GAN: variants seen among roughly 807,000 people sequenced by gnomAD.
The protein encoded by GAN is epididymis secretory sperm binding protein.
In GAN, 48 loss-of-function variants were observed where a neutral mutation model predicts 71.3. The observed-to-expected ratio is 0.67, with a 90% CI of 0.53 to 0.86. The LOEUF (loss-of-function observed/expected upper bound fraction) is 0.86. Among genes scored for constraint, GAN ranks in the 40% least tolerant of loss-of-function variants. GAN has a pLI of 0.00. For missense variants in GAN, 928 were observed against 770.1 expected, an observed-to-expected ratio of 1.21 and a Z score of -2.43; for synonymous variants, 386 against 276.8, an observed-to-expected ratio of 1.39 and a Z score of -3.92.
chr16:81,361,097 T>G (rs976030751), intron 5 of GAN, among the ~76,000 whole-genome samples: 5 of 152,186 alleles, frequency 3.3e-5, no homozygotes, highest in African/African-American at 1.2e-4. Flanking sequence ...TGGTGGCATG[T>G]GCCTGTAATC....
chr16:81,315,413 G>A, intron 1 of GAN, 133 bp downstream of exon 1: 4 of 557,146 alleles, frequency 7.2e-6, no homozygotes, highest in South Asian at 8.8e-5. Context: ...CCGTTGGCGC[G>A]GCGTCCCTCC....
At position 81,389,947 on chromosome 16, in the gene GAN, A is replaced by G. The variant is rs1267922155; in HGVS notation, c.*12351A>G. ...CGAATACCATATAAATACCACACCAATCTGTTGAACATATCTGTGTTTTCT... is the reference window on the plus strand; with the variant it reads ...CGAATACCATATAAATACCACACCAGTCTGTTGAACATATCTGTGTTTTCT... On this transcript the variant is annotated 3_prime_UTR_variant, in exon 11 of 11. Coordinates refer to ENST00000648994, the MANE Select transcript of GAN (RefSeq NM_022041.4). 6 of 152,044 alleles carry G rather than the reference A, an allele frequency of 3.9e-5. No individual in the cohort carries two copies. Among genetic ancestry groups the G allele is most frequent in the Admixed American group, 3.3e-4 (5 of 15,248 alleles). The allele number at this position is 152,044 out of a possible 1,614,324, so 9.4% of individuals were successfully genotyped here.
chr16:81,348,377 A>C (rs1297933396), intron 1 of GAN, among the ~76,000 whole-genome samples: 2 of 152,192 alleles, frequency 1.3e-5, no homozygotes, highest in Non-Finnish European at 2.9e-5. Context: ...TCATTTTAGC[A>C]CAATCTTTAC....
rs927655422 is a variant in GAN, at chr16:81,330,912, T to C, written c.167+15632T>C. On this transcript the variant is annotated intron_variant, in intron 1 of 10. Coordinates refer to ENST00000648994, the MANE Select transcript of GAN (RefSeq NM_022041.4). Reference sequence around the variant, plus strand: ...AAAATGCATAACCTCAGTGGAATTATAAGAAATTAAACAGGCAGGCATGGT... The same window carrying C: ...AAAATGCATAACCTCAGTGGAATTACAAGAAATTAAACAGGCAGGCATGGT... Among the ~76,000 whole-genome samples, 5 of 152,268 alleles carry C rather than the reference T, an allele frequency of 3.3e-5. No individual in the cohort carries two copies. The East Asian group carries it at 7.7e-4, about 24-fold the overall frequency.
At chr16:81,377,045 C>T (rs1597413919) in intron 9 of GAN, among the ~76,000 whole-genome samples, 174 bp from the exon 10 acceptor site, 1 of 152,174 alleles carries the variant, frequency 6.6e-6, no homozygotes, top group African/African-American at 2.4e-5. Flanking sequence ...GACAAAACTC[C>T]TATCTGTAGC....
chr16:81,378,567 G>C lies in GAN; in HGVS notation c.*971G>C, dbSNP rs1243478637. On this transcript the variant is annotated 3_prime_UTR_variant, in exon 11 of 11. Coordinates refer to ENST00000648994, the MANE Select transcript of GAN (RefSeq NM_022041.4). ...AGAAACTTTTTCATATAACCTGTCTGAAAGCACACAAAGTCTTGTTTACTA... is the reference window on the plus strand; with the variant it reads ...AGAAACTTTTTCATATAACCTGTCTCAAAGCACACAAAGTCTTGTTTACTA... 2 of 152,524 alleles carry C rather than the reference G, an allele frequency of 1.3e-5. No individual in the cohort carries two copies. The highest frequency in any genetic ancestry group is 2.9e-5 in the Non-Finnish European group (2 of 68,036). The allele number at this position is 152,524 out of a possible 1,614,324, so 9.4% of individuals were successfully genotyped here. A position where few individuals can be genotyped will look rare whatever the true frequency, so the allele number is the denominator to read the frequency against.
chr16:81,370,254 C>G (rs1173951166), intron 9 of GAN, among the ~76,000 whole-genome samples: 1 of 152,136 alleles, frequency 6.6e-6, no homozygotes, highest in African/African-American at 2.4e-5. Flanking sequence ...CTGTTTGTAT[C>G]TTATGGTTAG....
chr16:81,377,687 T>A lies in GAN; in HGVS notation c.*91T>A. The A allele has an allele frequency of 8.8e-7, 1 of 1,130,554 alleles. No individual in the cohort carries two copies. The highest frequency in any genetic ancestry group is 1.3e-6 in the Non-Finnish European group (1 of 740,760). The allele number at this position is 1,130,554 out of a possible 1,614,324, so 70.0% of individuals were successfully genotyped here. A position where few individuals can be genotyped will look rare whatever the true frequency, so the allele number is the denominator to read the frequency against. On this transcript the variant is annotated 3_prime_UTR_variant, in exon 11 of 11. Coordinates refer to ENST00000648994, the MANE Select transcript of GAN (RefSeq NM_022041.4). ...AGCAGAGATGGCAGCTGAAACTCAC[T>A]CTGTGCTGGGCTTTGGTATGGTAAC...
At position 81,390,167 on chromosome 16, in the gene GAN, A is replaced by T. The variant is rs917226243; in HGVS notation, c.*12571A>T. On this transcript the variant is annotated 3_prime_UTR_variant, in exon 11 of 11. Coordinates refer to ENST00000648994, the MANE Select transcript of GAN (RefSeq NM_022041.4). Reference sequence around the variant, plus strand: ...ATCATAGCTAAATAGGCAGGTTTAGAAAGTTCAAAATATTGGAAGTGCTAG... The same window carrying T: ...ATCATAGCTAAATAGGCAGGTTTAGTAAGTTCAAAATATTGGAAGTGCTAG... The T allele has an allele frequency of 1.3e-5, 2 of 152,242 alleles. No individual in the cohort carries two copies. Among genetic ancestry groups the T allele is most frequent in the Non-Finnish European group, 2.9e-5 (2 of 68,042 alleles). The allele number at this position is 152,242 out of a possible 1,614,324, so 9.4% of individuals were successfully genotyped here.
chr16:81,335,704 G>C (rs117958283), intron 1 of GAN, among the ~76,000 whole-genome samples: 3 of 133,290 alleles, frequency 2.3e-5, no homozygotes, highest in African/African-American at 8.7e-5. Context: ...CCAAGATCAC[G>C]ACACTGCGCT....
In GAN at chr16:81,385,712, C is replaced by T. The variant is rs1176778695; in HGVS notation, c.*8116C>T. 6.6e-6 allele frequency: 1 copy of T among 151,240 alleles called. No individual in the cohort carries two copies. Among genetic ancestry groups the T allele is most frequent in the Non-Finnish European group, 1.5e-5 (1 of 68,030 alleles). The allele number at this position is 151,240 out of a possible 1,614,324, so 9.4% of individuals were successfully genotyped here. On this transcript the variant is annotated 3_prime_UTR_variant, in exon 11 of 11. Transcript: ENST00000648994. Reference sequence around the variant, plus strand: ...GGCCTTATAGCTTTCCACATTCTCACGTCTGCTGCCACATGATATACAAGT... The same window carrying T: ...GGCCTTATAGCTTTCCACATTCTCATGTCTGCTGCCACATGATATACAAGT...
chr16:81,317,088 A>C (rs1376718813), intron 1 of GAN, among the ~76,000 whole-genome samples: 3 of 151,898 alleles, frequency 2.0e-5, no homozygotes, highest in Non-Finnish European at 4.4e-5. Flanking sequence ...CGAACTCCTC[A>C]CCTCGTGATC....
chr16:81,383,405 A>G lies in GAN; in HGVS notation c.*5809A>G, dbSNP rs1244283675. ...GTACCTGGGATTACAGGTGCTTATTACCACACTCGGCGAATTTTTTGTGTT... is the reference window on the plus strand; with the variant it reads ...GTACCTGGGATTACAGGTGCTTATTGCCACACTCGGCGAATTTTTTGTGTT... On this transcript the variant is annotated 3_prime_UTR_variant, in exon 11 of 11. Coordinates refer to ENST00000648994, the MANE Select transcript of GAN (RefSeq NM_022041.4). 6.6e-6 allele frequency: 1 copy of G among 150,950 alleles called. No homozygotes were observed. The highest frequency in any genetic ancestry group is 2.4e-5 in the African/African-American group (1 of 41,140). The allele number at this position is 150,950 out of a possible 1,614,324, so 9.4% of individuals were successfully genotyped here. A position where few individuals can be genotyped will look rare whatever the true frequency, so the allele number is the denominator to read the frequency against.
intron 1 of GAN, among the ~76,000 whole-genome samples, chr16:81,338,482 A>G (rs956958714): frequency 6.6e-6 from 1 of 152,188 alleles, no homozygotes; most frequent in Non-Finnish European, 1.5e-5. Flanking sequence ...CTTCTCAGTT[A>G]TATGTGGCAG....
chr16:81,361,415 A>G (rs1469318304), intron 5 of GAN, among the ~76,000 whole-genome samples: 1 of 152,186 alleles, frequency 6.6e-6, no homozygotes, highest in Non-Finnish European at 1.5e-5. Flanking sequence ...ATGATTTCCC[A>G]GATAGCAAGG....
rs753351243 is a variant in GAN, at chr16:81,315,272, G to T, written c.159G>T (p.Pro53=). 50 of 1,557,314 alleles carry T rather than the reference G, an allele frequency of 3.2e-5. No homozygotes were observed. In the Admixed American group the frequency reaches 4.9e-4, roughly 15 times the overall value. ...AGAACATCCTGGCGGCGGCCAGCCCGTACATCAGGTGGGGAGGGGGCTACG... is the reference window on the plus strand; with the variant it reads ...AGAACATCCTGGCGGCGGCCAGCCCTTACATCAGGTGGGGAGGGGGCTACG... ...VQKNILAAAS[P]YIRTKLNYNP... Residue 53 remains proline (P), a synonymous_variant, in exon 1 of 11, where the codon CCG becomes CCT. Transcript: ENST00000648994.
intron 1 of GAN, among the ~76,000 whole-genome samples, chr16:81,334,238 T>A (rs1027456500): frequency 1.3e-5 from 2 of 152,224 alleles, no homozygotes; most frequent in Non-Finnish European, 2.9e-5. Context: ...TTTCTGTGGA[T>A]CTGCCTGTGT....
At chr16:81,369,682 G>A (rs1051160490) in intron 9 of GAN, among the ~76,000 whole-genome samples, 4 of 152,026 alleles carry the variant, frequency 2.6e-5, no homozygotes, top group African/African-American at 9.7e-5. Context: ...AGCTCCACCT[G>A]CCGGGTTCAC....
intron 1 of GAN, among the ~76,000 whole-genome samples, chr16:81,343,167 C>A (rs762386596): frequency 6.6e-6 from 1 of 152,150 alleles, no homozygotes; most frequent in Non-Finnish European, 1.5e-5. Context: ...AGTCCAGGAC[C>A]AGACGGATTC....
Sources: gnomAD v4.1 joint callset for allele counts (sites outside exome capture counted in the v4.1 genomes callset) on GRCh38, gnomAD v4.1.1 for gene constraint, MANE v1.5 for transcripts, NCBI Gene and HGNC (gene_info 2026-07-23, HGNC 2026-07-21) for gene names.